Variants in SLCO2A1 observed in about 807,000 individuals in gnomAD.
SLCO2A1 encodes the protein matrin F/G 1.
In SLCO2A1, 60 loss-of-function variants were observed where a neutral mutation model predicts 71.7. That is an observed-to-expected ratio of 0.84 (90% CI 0.68 to 1.04). The LOEUF is 1.04. Among genes scored for constraint, SLCO2A1 ranks in the 50% least tolerant of loss-of-function variants. The probability of loss-of-function intolerance (pLI) is 0.00; values close to 1 mark genes in which losing one functional copy is unlikely to be tolerated. For synonymous variants in SLCO2A1, 308 were observed against 326.7 expected (o/e 0.94, Z 0.62); for missense variants, 745 against 813.4 (o/e 0.92, Z 1.02).
At position 133,940,561 on chromosome 3, in the gene SLCO2A1, T is replaced by C. The variant is rs183103031; in HGVS notation, c.1625+2044A>G. Among the ~76,000 whole-genome samples the C allele has an allele frequency of 2.3e-3, 354 of 152,300 alleles. 4 individuals are homozygous for C. Among genetic ancestry groups the C allele is most frequent in the African/African-American group, 8.2e-3 (339 of 41,570 alleles). The stretch of plus-strand genomic sequence containing the variant: ...GCATAGCGACTTGCCAGGGAGATTT[T>C]CCTACTCTGTGCCCTCTCCTCATCA... On this transcript the variant is annotated intron_variant, in intron 11 of 13. Coordinates refer to ENST00000310926, the MANE Select transcript of SLCO2A1 (RefSeq NM_005630.3).
At chr3:134,016,138 G>A (rs1204843104) in intron 1 of SLCO2A1, among the ~76,000 whole-genome samples, 1 of 152,078 alleles carries the variant, frequency 6.6e-6, no homozygotes, top group Non-Finnish European at 1.5e-5. Context: ...AGAGTTCTTA[G>A]ACATGACACC....
intron 3 of SLCO2A1, among the ~76,000 whole-genome samples, chr3:133,957,306 G>A (rs1933922002): frequency 6.6e-6 from 1 of 152,122 alleles, no homozygotes; most frequent in Non-Finnish European, 1.5e-5. Flanking sequence ...TGATTTACAG[G>A]CTCTACCGTA....
At chr3:133,946,659 C>G (rs1576428469) in intron 9 of SLCO2A1, among the ~76,000 whole-genome samples, 1 of 152,186 alleles carries the variant, frequency 6.6e-6, no homozygotes, top group East Asian at 1.9e-4. Flanking sequence ...GCTCACAGCC[C>G]TACAAATTCA....
At chr3:133,938,206 C>G (rs1933322085) in intron 12 of SLCO2A1, among the ~76,000 whole-genome samples, 1 of 152,184 alleles carries the variant, frequency 6.6e-6, no homozygotes, top group Non-Finnish European at 1.5e-5. Flanking sequence ...ATTTTTCTTA[C>G]ATAACTTAGT....
chr3:133,957,172 T>C (rs905649687), intron 3 of SLCO2A1, among the ~76,000 whole-genome samples: 5 of 152,142 alleles, frequency 3.3e-5, no homozygotes, highest in African/African-American at 4.8e-5. Context: ...ACGTCACCGA[T>C]CTTGCTCACT....
chr3:134,024,313 T>A (rs890310940), intron 1 of SLCO2A1, among the ~76,000 whole-genome samples: 2 of 152,100 alleles, frequency 1.3e-5, no homozygotes, highest in African/African-American at 4.8e-5. Flanking sequence ...ACAATTGGAG[T>A]CCCATGACGA....
chr3:133,960,386 T>A (rs1934008403), intron 3 of SLCO2A1, among the ~76,000 whole-genome samples: 1 of 152,074 alleles, frequency 6.6e-6, no homozygotes, highest in Non-Finnish European at 1.5e-5. Flanking sequence ...AGGAAGAGAA[T>A]CCTGACACAT....
At position 133,935,849 on chromosome 3, in the gene SLCO2A1, C is replaced by T; in HGVS notation, c.1739G>A (p.Cys580Tyr). The T allele has an allele frequency of 6.2e-7, 1 of 1,611,204 alleles. No homozygotes were observed. The highest frequency in any genetic ancestry group is 8.5e-7 in the Non-Finnish European group (1 of 1,178,314). ...ALYGLTIDHS[C>Y]IRWNSLCLGR... is the part of the protein sequence containing the mutation. ...CAAGCACAGCGAGTTCCACCGGATG[C>T]AGGAGTGGTCAATGGTGAGGCCATA... is the stretch of plus-strand genomic sequence containing the variant. Residue 580 changes from cysteine (C) to tyrosine (Y), a missense_variant, in exon 13 of 14, where the codon TGC (cysteine) becomes TAC (tyrosine). By Grantham distance (194) the Cys-to-Tyr change is radical. Coordinates refer to ENST00000310926, the MANE Select transcript of SLCO2A1 (RefSeq NM_005630.3).
At chr3:133,966,246 T>A (rs1934163130) in intron 3 of SLCO2A1, among the ~76,000 whole-genome samples, 1 of 152,226 alleles carries the variant, frequency 6.6e-6, no homozygotes, top group Non-Finnish European at 1.5e-5. Context: ...TTGAATAATT[T>A]CAGCACAGAC....
intron 1 of SLCO2A1, among the ~76,000 whole-genome samples, chr3:133,994,933 G>A (rs997081432): frequency 1.3e-5 from 2 of 152,000 alleles, no homozygotes; most frequent in African/African-American, 2.4e-5. Context: ...CTTCCTACCC[G>A]TTTCCTACTC....
chr3:133,980,012 GCC>G (rs1352674439), intron 1 of SLCO2A1, among the ~76,000 whole-genome samples: 1 of 152,110 alleles, frequency 6.6e-6, no homozygotes, highest in Non-Finnish European at 1.5e-5. Flanking sequence ...CTCCTCCTGT[GCC>G]CTGTGAGGGC....
At chr3:133,966,123 C>T (rs573312316) in intron 3 of SLCO2A1, among the ~76,000 whole-genome samples, 12 of 152,294 alleles carry the variant, frequency 7.9e-5, no homozygotes, top group South Asian at 4.1e-4. Context: ...AACCACAACC[C>T]GTGGGCTGCG....
At chr3:133,993,978 G>C (rs886982481) in intron 1 of SLCO2A1, among the ~76,000 whole-genome samples, 2 of 152,170 alleles carry the variant, frequency 1.3e-5, no homozygotes, top group Non-Finnish European at 2.9e-5. Flanking sequence ...CATGGTATCA[G>C]AAGAGCTAGG....
chr3:133,945,901 G>A (rs891403832), intron 9 of SLCO2A1, among the ~76,000 whole-genome samples: 3 of 152,110 alleles, frequency 2.0e-5, no homozygotes, highest in African/African-American at 7.2e-5. Context: ...CACTGTGCCC[G>A]GGGGCTTTAC....
intron 1 of SLCO2A1, among the ~76,000 whole-genome samples, chr3:134,016,691 T>G (rs1935462086): frequency 6.6e-6 from 1 of 152,222 alleles, no homozygotes; most frequent in South Asian, 2.1e-4. Flanking sequence ...CTTGAGCATT[T>G]ACCCTAGAGA....
chr3:133,992,804 C>G (rs1278384985), intron 1 of SLCO2A1, among the ~76,000 whole-genome samples: 4 of 152,210 alleles, frequency 2.6e-5, no homozygotes, highest in African/African-American at 7.2e-5. Flanking sequence ...CCCTTTTCAG[C>G]TCCCCTTCCA....
At chr3:134,014,012 C>T (rs1935391708) in intron 1 of SLCO2A1, among the ~76,000 whole-genome samples, 1 of 152,110 alleles carries the variant, frequency 6.6e-6, no homozygotes, top group Non-Finnish European at 1.5e-5. Context: ...TCTGATAACA[C>T]AGGCATTTTA....
Position 133,947,417 on chromosome 3 carries a change from C to G in SLCO2A1, c.1134G>C (p.Leu378Phe), listed in dbSNP as rs780958267. The G allele has an allele frequency of 1.2e-5, 19 of 1,613,708 alleles. No individual in the cohort carries two copies. Among genetic ancestry groups the G allele is most frequent in the Non-Finnish European group, 1.5e-5 (18 of 1,179,898 alleles). The part of the protein sequence containing the change: ...IGAVNLPAAA[L>F]GMLFGGILMK... Reference sequence around the variant, plus strand: ...TGAGGATTCCTCCAAACAGCATCCCCAAGGCTGCAGCAGGGAGGTTCACAG... The same window carrying G: ...TGAGGATTCCTCCAAACAGCATCCCGAAGGCTGCAGCAGGGAGGTTCACAG... The change falls in exon 9 of 14, where the codon TTG (leucine) becomes TTC (phenylalanine). Residue 378 changes from leucine (L) to phenylalanine (F), a missense_variant. Transcript: ENST00000310926.
At chr3:134,010,397 AGAGAGAGAGG>A (rs2108074202) in intron 1 of SLCO2A1, among the ~76,000 whole-genome samples, 2 of 152,140 alleles carry the variant, frequency 1.3e-5, no homozygotes, top group African/African-American at 4.8e-5. Flanking sequence ...GCAGCAGGAG[AGAGAGAGAGG>A]GAGAGAGAGC....
Sources: gnomAD v4.1 joint callset for allele counts (sites outside exome capture counted in the v4.1 genomes callset) on GRCh38, gnomAD v4.1.1 for gene constraint, MANE v1.5 for transcripts, NCBI Gene and HGNC (gene_info 2026-07-23, HGNC 2026-07-21) for gene names.